OTUD7A: variants seen among roughly 807,000 people sequenced by gnomAD.
OTUD7A encodes the protein OTU domain-containing protein 7A.
Under a neutral mutation model 65.7 loss-of-function variants are expected in OTUD7A, and 12 were observed. The observed-to-expected ratio is 0.18, with a 90% CI of 0.12 to 0.30. OTUD7A has a LOEUF of 0.30. Among genes scored for constraint, OTUD7A ranks in the 10% least tolerant of loss-of-function variants. The probability of loss-of-function intolerance (pLI) is 1.00; values close to 1 mark genes in which losing one functional copy is unlikely to be tolerated. For missense variants in OTUD7A, 1,148 were observed against 1,304.8 expected (o/e 0.88, Z 1.85); for synonymous variants, 641 against 586.3 (o/e 1.09, Z -1.35).
At chr15:31,770,089 C>T (rs1287211238) in intron 1 of OTUD7A, among the ~76,000 whole-genome samples, 1 of 151,974 alleles carries the variant, frequency 6.6e-6, no homozygotes, top group African/African-American at 2.4e-5. Context: ...ACAATGAAAA[C>T]AACGAAGACC....
chr15:31,820,445 T>C lies in OTUD7A; in HGVS notation c.-100+50062A>G, dbSNP rs995739631. On this transcript the variant is annotated intron_variant, in intron 1 of 12. Transcript: ENST00000307050. ...TATTTTCTACGAGATATCGCACGATTCTTCCCCATGTAAACTGACATTGAT... is the reference window on the plus strand; with the variant it reads ...TATTTTCTACGAGATATCGCACGATCCTTCCCCATGTAAACTGACATTGAT... Among the ~76,000 whole-genome samples the C allele has an allele frequency of 3.1e-4, 47 of 152,222 alleles. 1 individual carries two copies. The highest frequency in any genetic ancestry group is 7.3e-5 in the Non-Finnish European group (5 of 68,036).
intron 5 of OTUD7A, among the ~76,000 whole-genome samples, chr15:31,543,942 T>C (rs1270187903): frequency 6.6e-6 from 1 of 151,872 alleles, no homozygotes; most frequent in Non-Finnish European, 1.5e-5. Flanking sequence ...TAAACATTAT[T>C]TTCAAGCACA....
At chr15:31,812,678 C>A (rs1173519706) in intron 1 of OTUD7A, among the ~76,000 whole-genome samples, 1 of 152,134 alleles carries the variant, frequency 6.6e-6, no homozygotes, top group Non-Finnish European at 1.5e-5. Context: ...TCCAACTATA[C>A]CATAAAGTGT....
At chr15:31,599,543 C>T (rs1187662101) in intron 3 of OTUD7A, among the ~76,000 whole-genome samples, 1 of 152,056 alleles carries the variant, frequency 6.6e-6, no homozygotes, top group Admixed American at 6.6e-5. Context: ...GAAACCAGCG[C>T]AAAAAGGCTG....
At chr15:31,780,908 T>C (rs937368313) in intron 1 of OTUD7A, among the ~76,000 whole-genome samples, 1 of 152,218 alleles carries the variant, frequency 6.6e-6, no homozygotes, top group Admixed American at 6.5e-5. Context: ...GGGGAAGGAA[T>C]ACAGTGACTG....
At chr15:31,839,252 C>T (rs1050909273) in intron 1 of OTUD7A, among the ~76,000 whole-genome samples, 2 of 152,224 alleles carry the variant, frequency 1.3e-5, no homozygotes, top group African/African-American at 4.8e-5. Context: ...CAGGCGCTGG[C>T]CTCAATACTG....
At chr15:31,869,210 C>T (rs1339819236) in intron 1 of OTUD7A, among the ~76,000 whole-genome samples, 1 of 152,088 alleles carries the variant, frequency 6.6e-6, no homozygotes, top group Admixed American at 6.5e-5. Flanking sequence ...CTGAGTGTGC[C>T]GTGCAGATCT....
chr15:31,856,419 T>C (rs1442806237), intron 1 of OTUD7A, among the ~76,000 whole-genome samples: 1 of 152,140 alleles, frequency 6.6e-6, no homozygotes, highest in Non-Finnish European at 1.5e-5. Flanking sequence ...GAAAAATAAA[T>C]AAGCAAAGGA....
intron 7 of OTUD7A, among the ~76,000 whole-genome samples, 171 bp from the exon 8 acceptor site, chr15:31,526,632 T>C (rs749180896): frequency 6.6e-6 from 1 of 152,202 alleles, no homozygotes; most frequent in Non-Finnish European, 1.5e-5. Flanking sequence ...ATGCACAATA[T>C]ATTTTCAGAA....
chr15:31,529,583 G>C (rs987908744), intron 6 of OTUD7A, among the ~76,000 whole-genome samples: 1 of 152,178 alleles, frequency 6.6e-6, no homozygotes, highest in East Asian at 1.9e-4. Context: ...GATGAAGCAG[G>C]TAAGTGGCTG....
In OTUD7A at chr15:31,545,409, G is replaced by T. The variant is rs1888100400; in HGVS notation, c.550+13560C>A. Among the ~76,000 whole-genome samples the T allele has an allele frequency of 2.6e-5, 4 of 152,064 alleles. 1 individual carries two copies. In the South Asian group the frequency reaches 8.3e-4, roughly 31 times the overall value. ...GCTCTCAAGTAAGGGGAAAAAAAAGGTAAGTTGAACTATTTTAGTCATGAT... is the reference window on the plus strand; with the variant it reads ...GCTCTCAAGTAAGGGGAAAAAAAAGTTAAGTTGAACTATTTTAGTCATGAT... On this transcript the variant is annotated intron_variant, in intron 5 of 12. Coordinates refer to ENST00000307050, the MANE Select transcript of OTUD7A (RefSeq NM_001382637.1).
chr15:31,737,306 T>C (rs1003497187), intron 1 of OTUD7A, among the ~76,000 whole-genome samples: 5 of 151,968 alleles, frequency 3.3e-5, no homozygotes, highest in African/African-American at 9.7e-5. Context: ...ACTATTGAAA[T>C]AGAGACAGAC....
chr15:31,487,835 A>G lies in OTUD7A; in HGVS notation c.1172-269T>C, dbSNP rs2041261188. On this transcript the variant is annotated intron_variant, in intron 10 of 12. Coordinates refer to ENST00000307050, the MANE Select transcript of OTUD7A (RefSeq NM_001382637.1). This position sits in a 1 kb window ranked among gnomAD's most constrained non-coding sequence, Gnocchi z 6.0. The stretch of plus-strand genomic sequence containing the variant: ...AATGGCAGATACTCCATTGGGCAGC[A>G]GAATGGGAAAAAAGCTATTGCTGCC... Among the ~76,000 whole-genome samples, 1 of 152,218 alleles carries G rather than the reference A, an allele frequency of 6.6e-6. No homozygotes were observed. Among genetic ancestry groups the G allele is most frequent in the South Asian group, 2.1e-4 (1 of 4,828 alleles).
chr15:31,738,650 T>C (rs1199164711), intron 1 of OTUD7A, among the ~76,000 whole-genome samples: 2 of 152,182 alleles, frequency 1.3e-5, no homozygotes, highest in Non-Finnish European at 2.9e-5. Context: ...CCCCTGTACA[T>C]GCACACGCTG....
intron 9 of OTUD7A, among the ~76,000 whole-genome samples, chr15:31,502,892 G>T (rs994753670): frequency 4.6e-5 from 7 of 152,228 alleles, no homozygotes; most frequent in Non-Finnish European, 1.0e-4. Flanking sequence ...GGCCACATCA[G>T]ATTTTTTATG....
intron 3 of OTUD7A, among the ~76,000 whole-genome samples, chr15:31,597,252 G>T (rs1889933010): frequency 6.6e-6 from 1 of 152,088 alleles, no homozygotes; most frequent in African/African-American, 2.4e-5. Context: ...GTCTTTTGAT[G>T]AACCAAAATT....
chr15:31,780,429 C>A (rs1895507015), intron 1 of OTUD7A, among the ~76,000 whole-genome samples: 1 of 152,160 alleles, frequency 6.6e-6, no homozygotes, highest in South Asian at 2.1e-4. Flanking sequence ...CTAAATCAAG[C>A]CTCCCTGGCA....
chr15:31,675,939 C>G (rs150233608), intron 1 of OTUD7A, among the ~76,000 whole-genome samples: 3,296 of 152,222 alleles, frequency 0.022, 113 homozygotes, highest in African/African-American at 0.075. Flanking sequence ...TGGTAAGTTG[C>G]CAGTTCCTCT....
intron 1 of OTUD7A, among the ~76,000 whole-genome samples, chr15:31,868,708 G>C (rs1897944728): frequency 6.6e-6 from 1 of 152,156 alleles, no homozygotes; most frequent in African/African-American, 2.4e-5. Context: ...AAGCTTGGGG[G>C]CCTCAGGAGT....
Sources: allele counts gnomAD v4.1 joint callset (sites outside exome capture counted in the v4.1 genomes callset), GRCh38; gene constraint gnomAD v4.1.1; non-coding constraint Gnocchi (gnomAD v3.1); transcripts MANE v1.5; gene names NCBI Gene and HGNC (gene_info 2026-07-23, HGNC 2026-07-21).